Variants in ADAMTSL1 observed in about 807,000 individuals in gnomAD.
ADAMTSL1 encodes the protein ADAMTS like 1.
In ADAMTSL1, 126 loss-of-function variants were observed where a neutral mutation model predicts 201.8. That is an observed-to-expected ratio of 0.62 (90% CI 0.54 to 0.72). The LOEUF is 0.72. Among genes scored for constraint, ADAMTSL1 ranks in the 30% least tolerant of loss-of-function variants. The pLI, the probability that ADAMTSL1 is intolerant of heterozygous loss-of-function variation, is 0.00. For synonymous variants in ADAMTSL1, 1,121 were observed against 903.4 expected (o/e 1.24, Z -4.32); for missense variants, 2,679 against 2,277.8 (o/e 1.18, Z -3.59).
intron 16 of ADAMTSL1, among the ~76,000 whole-genome samples, chr9:18,767,741 T>A (rs1820447042): frequency 6.6e-6 from 1 of 152,238 alleles, no homozygotes; most frequent in Admixed American, 6.5e-5. Flanking sequence ...AATCCTTTAA[T>A]GTCTTATTGA....
chr9:18,903,227 G>T (rs1312045563), intron 26 of ADAMTSL1, among the ~76,000 whole-genome samples: 2 of 151,940 alleles, frequency 1.3e-5, no homozygotes, highest in African/African-American at 2.4e-5. Context: ...AAGAAACCAA[G>T]TATTAATCAA....
intron 7 of ADAMTSL1, 89 bp from the exon 8 acceptor site, chr9:18,657,550 G>C (rs1828771530): frequency 1.1e-6 from 1 of 914,594 alleles, no homozygotes; most frequent in Non-Finnish European, 1.8e-6. Flanking sequence ...AAAACCATCA[G>C]CACTACCATA....
Position 18,527,687 on chromosome 9 carries a change from T to C in ADAMTSL1, c.192-5560T>C, listed in dbSNP as rs578083553. On this transcript the variant is annotated intron_variant, in intron 2 of 28. Coordinates refer to ENST00000380548, the MANE Select transcript of ADAMTSL1 (RefSeq NM_001040272.6). ...GCGTTAATGAGAGACAAATAAAGTA[T>C]GTATCCAGTATATACTAATCTCTTA... Among the ~76,000 whole-genome samples, 8 of 152,300 alleles carry C rather than the reference T, an allele frequency of 5.3e-5. 1 individual carries two copies. Among genetic ancestry groups the C allele is most frequent in the African/African-American group, 1.9e-4 (8 of 41,574 alleles).
intron 1 of ADAMTSL1, among the ~76,000 whole-genome samples, chr9:17,977,109 A>C (rs550876440): frequency 6.6e-6 from 1 of 152,142 alleles, no homozygotes; most frequent in Admixed American, 6.6e-5. Context: ...TCATTCTGTT[A>C]ATGGGGTGTA....
intron 2 of ADAMTSL1, among the ~76,000 whole-genome samples, chr9:18,172,660 A>G (rs1827952657): frequency 6.6e-6 from 1 of 152,146 alleles, no homozygotes. Context: ...TTACACTTAC[A>G]TTCAATTAAG....
chr9:18,240,289 C>T (rs1162037216), intron 2 of ADAMTSL1, among the ~76,000 whole-genome samples: 1 of 151,940 alleles, frequency 6.6e-6, no homozygotes, highest in African/African-American at 2.4e-5. Flanking sequence ...TCTATCAGAA[C>T]TCTTGGGTGA....
chr9:17,959,769 G>GA (rs1338407276), intron 1 of ADAMTSL1, among the ~76,000 whole-genome samples: 1 of 152,074 alleles, frequency 6.6e-6, no homozygotes, highest in Non-Finnish European at 1.5e-5. Flanking sequence ...ACATTTTTTA[G>GA]AAAAGTATAT....
intron 5 of ADAMTSL1, among the ~76,000 whole-genome samples, chr9:18,625,221 G>C (rs1227885359): frequency 6.6e-6 from 1 of 151,530 alleles, no homozygotes; most frequent in African/African-American, 2.4e-5. Flanking sequence ...CAAACTTCTG[G>C]CACTCAGATT....
chr9:18,376,617 C>T (rs1465351314), intron 2 of ADAMTSL1, among the ~76,000 whole-genome samples: 2 of 150,536 alleles, frequency 1.3e-5, no homozygotes, highest in Non-Finnish European at 3.0e-5. Flanking sequence ...CAAGCCTGGT[C>T]AACATGGTGA....
intron 4 of ADAMTSL1, among the ~76,000 whole-genome samples, chr9:18,600,908 T>G (rs942205287): frequency 6.6e-6 from 1 of 152,190 alleles, no homozygotes; most frequent in Non-Finnish European, 1.5e-5. Context: ...TTATTTTTCT[T>G]TCTTCCTGTT....
chr9:18,546,930 A>G (rs374200941), intron 3 of ADAMTSL1, among the ~76,000 whole-genome samples: 1 of 152,084 alleles, frequency 6.6e-6, no homozygotes, highest in Non-Finnish European at 1.5e-5. Context: ...AAGTTTGAAA[A>G]CACCTGCTTT....
At chr9:18,586,644 C>G (rs1165474658) in intron 4 of ADAMTSL1, among the ~76,000 whole-genome samples, 1 of 152,000 alleles carries the variant, frequency 6.6e-6, no homozygotes, top group Non-Finnish European at 1.5e-5. Context: ...TCAAGGCAAT[C>G]CTAGACAAAA....
At chr9:18,679,770 G>A (rs2133158048) in intron 10 of ADAMTSL1, among the ~76,000 whole-genome samples, 1 of 152,224 alleles carries the variant, frequency 6.6e-6, no homozygotes, top group East Asian at 1.9e-4. Context: ...TCCCAAAGCT[G>A]ATGATTGCAG....
rs1447042918 is a variant in ADAMTSL1, at chr9:18,474,284, T to C, written c.52T>C (p.Phe18Leu). The change falls in exon 1 of 29, where the codon TTC (phenylalanine) becomes CTC (leucine). Residue 18 changes from phenylalanine (F) to leucine (L), a missense_variant. Phe to Leu is a conservative substitution (Grantham distance 22). Transcript: ENST00000380548. ...TPGTLLLFLA[F>L]LLLSSRTARS... The stretch of plus-strand genomic sequence containing the variant: ...TGGCACACTGCTCCTCTTTCTGGCT[T>C]TCCTGCTCCTGGTAAATGCCTTTTC... 1 of 1,614,150 alleles carries C rather than the reference T, an allele frequency of 6.2e-7. No homozygotes were observed. Among genetic ancestry groups the C allele is most frequent in the Non-Finnish European group, 8.5e-7 (1 of 1,180,008 alleles).
intron 2 of ADAMTSL1, among the ~76,000 whole-genome samples, chr9:18,382,927 C>T (rs745771740): frequency 1.3e-5 from 2 of 152,138 alleles, no homozygotes; most frequent in African/African-American, 4.8e-5. Context: ...AGAGGGAACA[C>T]GTGAAAACTG....
chr9:18,767,653 G>A (rs368855733), intron 16 of ADAMTSL1, among the ~76,000 whole-genome samples: 12 of 152,264 alleles, frequency 7.9e-5, no homozygotes, highest in African/African-American at 2.4e-4. Flanking sequence ...TCAATTCAAT[G>A]CCACAGACAT....
intron 1 of ADAMTSL1, among the ~76,000 whole-genome samples, chr9:17,917,211 G>T (rs1396683151): frequency 3.3e-5 from 5 of 152,052 alleles, no homozygotes. Context: ...CAAATAAAGA[G>T]AGTTCTTTAA....
intron 1 of ADAMTSL1, among the ~76,000 whole-genome samples, chr9:18,150,899 G>T (rs1826878653): frequency 1.3e-5 from 2 of 151,854 alleles, no homozygotes; most frequent in Admixed American, 6.6e-5. Context: ...AAATCTAAAG[G>T]ACTTATTTTT....
chr9:18,301,715 C>G (rs1209727437), intron 2 of ADAMTSL1, among the ~76,000 whole-genome samples: 1 of 152,152 alleles, frequency 6.6e-6, no homozygotes, highest in Non-Finnish European at 1.5e-5. Context: ...GCTGTACACA[C>G]ATAACCACTT....
Sources: allele counts gnomAD v4.1 joint callset (sites outside exome capture counted in the v4.1 genomes callset), GRCh38; gene constraint gnomAD v4.1.1; transcripts MANE v1.5; gene names NCBI Gene and HGNC (gene_info 2026-07-23, HGNC 2026-07-21).